TARBP1: variants seen among roughly 807,000 people sequenced by gnomAD.
TARBP1 encodes tRNA guanosine 2 -O-methyltransferase TARBP1.
A neutral mutation model predicts 178.6 loss-of-function variants in TARBP1; 144 were observed. The ratio of observed to expected loss-of-function variants is 0.81; its 90% confidence interval spans 0.70 to 0.93. The LOEUF (loss-of-function observed/expected upper bound fraction) is 0.93. Ranked by LOEUF, TARBP1 falls within the 40% of genes least tolerant of loss-of-function variation. The probability of loss-of-function intolerance (pLI) is 0.00; values close to 1 mark genes in which losing one functional copy is unlikely to be tolerated. For synonymous variants in TARBP1, 787 were observed against 781.0 expected, an observed-to-expected ratio of 1.01 and a Z score of -0.13; for missense variants, 2,067 against 2,011.7, an observed-to-expected ratio of 1.03 and a Z score of -0.53.
intron 23 of TARBP1, chr1:234,407,601 T>C (rs1036339757): frequency 6.6e-6 from 1 of 152,260 alleles, no homozygotes; most frequent in Non-Finnish European, 1.5e-5. Context: ...CCTCCCAAAG[T>C]GCAGGATTAC....
intron 12 of TARBP1, among the ~76,000 whole-genome samples, chr1:234,441,611 G>A (rs528144207): frequency 3.5e-4 from 53 of 152,206 alleles, no homozygotes; most frequent in Middle Eastern, 6.8e-3. Context: ...ATAGTTTCTC[G>A]TACAGTCACA....
rs758340977 is a variant in TARBP1, at chr1:234,459,207, G to C, written c.1632+23C>G. On this transcript the variant is annotated intron_variant, in intron 8 of 29. Transcript: ENST00000040877. ...ACTCACTAAGAAAGACTTGTAAATG[G>C]AAGTAACAAAAGAAAAACTTACCAC... is the stretch of plus-strand genomic sequence containing the variant. The C allele has an allele frequency of 3.8e-6, 6 of 1,585,174 alleles. No homozygotes were observed. In the Admixed American group the frequency reaches 8.8e-5, roughly 23 times the overall value.
In TARBP1 at chr1:234,472,765, T is replaced by G. The variant is rs375606143; in HGVS notation, c.978A>C (p.Leu326=). Residue 326 remains leucine (L), a synonymous_variant, in exon 2 of 30, where the codon CTA becomes CTC. Coordinates refer to ENST00000040877, the MANE Select transcript of TARBP1 (RefSeq NM_005646.4). ...WWSERKKDEL[L]KFWENYILIM... is the part of the protein sequence containing the mutation. ...TTAAAATATAATTTTCCCAAAACTT[T>G]AGAAGCTCATCTTTTTTCCTCTCAG... The G allele has an allele frequency of 4.4e-6, 7 of 1,604,670 alleles. No homozygotes were observed. Among genetic ancestry groups the G allele is most frequent in the Non-Finnish European group, 5.9e-6 (7 of 1,177,784 alleles).
intron 21 of TARBP1, among the ~76,000 whole-genome samples, chr1:234,419,150 G>A (rs1167066256): frequency 1.3e-5 from 2 of 151,904 alleles, no homozygotes; most frequent in Non-Finnish European, 2.9e-5. Flanking sequence ...TCCAGCCTGG[G>A]TGAAAGAGCA....
intron 10 of TARBP1, among the ~76,000 whole-genome samples, chr1:234,449,553 A>T (rs1666528241): frequency 6.6e-6 from 1 of 152,198 alleles, no homozygotes; most frequent in Non-Finnish European, 1.5e-5. Context: ...TAACATATTT[A>T]CTTCAAATAA....
At position 234,451,727 on chromosome 1, in the gene TARBP1, C is replaced by T. The variant is rs1343894198; in HGVS notation, c.1723-1161G>A. On this transcript the variant is annotated intron_variant, in intron 9 of 29. Transcript: ENST00000040877. ...TCCCGCCACTGCACTCCAGCCTGGG[C>T]GACAGAGCGAGACTCCGTCTCAAAA... is the stretch of plus-strand genomic sequence containing the variant. Among the ~76,000 whole-genome samples the T allele has an allele frequency of 6.3e-4, 3 of 4,766 alleles. 1 individual carries two copies. The highest frequency in any genetic ancestry group is 9.1e-4 in the Non-Finnish European group (3 of 3,296). 3.1% of individuals were successfully genotyped at this position (4,766 alleles called of 152,430 possible).
intron 6 of TARBP1, among the ~76,000 whole-genome samples, 165 bp from the exon 7 acceptor site, chr1:234,460,561 G>A (rs897827694): frequency 3.3e-5 from 5 of 152,220 alleles, no homozygotes; most frequent in Non-Finnish European, 7.3e-5. Flanking sequence ...CAGAGTTGGG[G>A]AGGATGTGGA....
chr1:234,460,760 T>C (rs1045834011), intron 6 of TARBP1, among the ~76,000 whole-genome samples: 17 of 152,222 alleles, frequency 1.1e-4, no homozygotes, highest in Non-Finnish European at 2.4e-4. Flanking sequence ...ATAACAGCAT[T>C]ACTCAAATAG....
rs1572263740 is a variant in TARBP1, at chr1:234,419,641, T to C, written c.3555+1061A>G. Among the ~76,000 whole-genome samples, 3 of 152,166 alleles carry C rather than the reference T, an allele frequency of 2.0e-5. No homozygotes were observed. In the East Asian group the frequency reaches 5.8e-4, roughly 29 times the overall value. The stretch of plus-strand genomic sequence containing the variant: ...TCTCTCTAGGAGACCCTCTCCATTC[T>C]AAGAAAAAAATGCTCTCGGTAATCT... On this transcript the variant is annotated intron_variant, in intron 21 of 29. Coordinates refer to ENST00000040877, the MANE Select transcript of TARBP1 (RefSeq NM_005646.4).
intron 26 of TARBP1, among the ~76,000 whole-genome samples, chr1:234,397,075 G>T (rs1471708633): frequency 6.7e-6 from 1 of 149,496 alleles, no homozygotes; most frequent in Non-Finnish European, 1.5e-5. Context: ...CGGCTGGGGA[G>T]AGTCAGAATG....
At chr1:234,459,638 C>T (rs1426835167) in intron 7 of TARBP1, among the ~76,000 whole-genome samples, 1 of 152,030 alleles carries the variant, frequency 6.6e-6, no homozygotes. Context: ...ATGGTGCAAT[C>T]CCGTCTCTAC....
chr1:234,439,148 T>G (rs895872268), intron 12 of TARBP1, among the ~76,000 whole-genome samples: 3 of 152,120 alleles, frequency 2.0e-5, no homozygotes, highest in South Asian at 2.1e-4. Flanking sequence ...AAAAAGGACA[T>G]GATGCCATAG....
At chr1:234,466,396 C>G (rs1357690184) in intron 4 of TARBP1, among the ~76,000 whole-genome samples, 1 of 152,056 alleles carries the variant, frequency 6.6e-6, no homozygotes, top group Admixed American at 6.6e-5. Context: ...CCTGTAGTCC[C>G]AGCTACTTGG....
intron 15 of TARBP1, 150 bp from the exon 16 acceptor site, chr1:234,429,827 C>G (rs1217215792): frequency 1.0e-6 from 1 of 975,886 alleles, no homozygotes; most frequent in African/African-American, 1.6e-5. Flanking sequence ...CTACCAAAAA[C>G]TAAGGAAACC....
chr1:234,460,136 C>T, intron 7 of TARBP1, 125 bp downstream of exon 7: 2 of 1,086,230 alleles, frequency 1.8e-6, no homozygotes, highest in Non-Finnish European at 2.5e-6. Flanking sequence ...AATTAAGAGC[C>T]CAAACATCCC....
At chr1:234,396,372 C>T (rs367666955) in intron 26 of TARBP1, among the ~76,000 whole-genome samples, 3 of 152,302 alleles carry the variant, frequency 2.0e-5, no homozygotes, top group African/African-American at 4.8e-5. Flanking sequence ...GTAAAGCTCT[C>T]GCCGGGACAG....
chr1:234,415,987 A>T (rs1325909526), intron 22 of TARBP1, among the ~76,000 whole-genome samples: 2 of 152,176 alleles, frequency 1.3e-5, no homozygotes, highest in Non-Finnish European at 2.9e-5. Context: ...ACTCTGTCTG[A>T]TGTCCACAGG....
intron 11 of TARBP1, among the ~76,000 whole-genome samples, 165 bp downstream of exon 11, chr1:234,448,315 T>C (rs1390044711): frequency 1.3e-5 from 2 of 152,256 alleles, no homozygotes; most frequent in Admixed American, 6.5e-5. Context: ...CTATTCCTAT[T>C]TGTTATTAAC....
Position 234,429,659 on chromosome 1 carries a change from T to G in TARBP1, c.2628A>C (p.Ser876=). Residue 876 remains serine (S), a synonymous_variant, in exon 16 of 30, where the codon TCA becomes TCC. Transcript: ENST00000040877. ...CTATTTTTCCCCATCCTTGGGAAGATGACGATTCTTCCAAAACACTGAAAT... is the reference window on the plus strand; with the variant it reads ...CTATTTTTCCCCATCCTTGGGAAGAGGACGATTCTTCCAAAACACTGAAAT... ...LECSSVLEES[S]SSQGWGKIVA... 1 of 1,601,170 alleles carries G rather than the reference T, an allele frequency of 6.2e-7. No homozygotes were observed. The highest frequency in any genetic ancestry group is 8.5e-7 in the Non-Finnish European group (1 of 1,175,352).
Sources: gnomAD v4.1 joint callset for allele counts (sites outside exome capture counted in the v4.1 genomes callset) on GRCh38, gnomAD v4.1.1 for gene constraint, MANE v1.5 for transcripts, NCBI Gene and HGNC (gene_info 2026-07-23, HGNC 2026-07-21) for gene names.